The following MTF2 variants were observed in gnomAD, a reference collection of about 807,000 sequenced individuals.
MTF2 encodes the protein metal response element binding transcription factor 2.
MTF2 carries 11 observed loss-of-function variants against 79.5 expected under a neutral mutation model. The observed-to-expected ratio is 0.14, with a 90% CI of 0.09 to 0.23. The LOEUF (loss-of-function observed/expected upper bound fraction) is 0.23. Ranked by LOEUF, MTF2 falls within the 10% of genes least tolerant of loss-of-function variation. MTF2 has a pLI of 1.00. For synonymous variants in MTF2, 208 were observed against 232.8 expected, an observed-to-expected ratio of 0.89 and a Z score of 0.97; for missense variants, 486 against 711.2, an observed-to-expected ratio of 0.68 and a Z score of 3.60.
At chr1:93,097,358 C>T (rs1489863359) in intron 1 of MTF2, among the ~76,000 whole-genome samples, 4 of 152,070 alleles carry the variant, frequency 2.6e-5, no homozygotes, top group African/African-American at 9.7e-5. Context: ...ACCATCTTCC[C>T]AGTTTCCCAA....
rs1046801 is a variant in MTF2, at chr1:93,136,734, C to G, written c.1489C>G (p.Arg497Gly). The change falls in exon 15 of 15, where the codon CGG becomes GGG. Residue 497 changes from arginine to glycine, a missense_variant. Arg to Gly is a moderately radical substitution (Grantham distance 125). Transcript: ENST00000370298. ...TTGGCCTGCTGCAATACCACATTTG[C>G]GGAGAAGAAGAGGTCGTCTTCCAAG... ...RSWPAAIPHL[R>G]RRRGRLPRRA... is the part of the protein sequence containing the mutation. 1 of 1,614,070 alleles carries G rather than the reference C, an allele frequency of 6.2e-7. No individual in the cohort carries two copies. Among genetic ancestry groups the G allele is most frequent in the Non-Finnish European group, 8.5e-7 (1 of 1,179,998 alleles).
chr1:93,133,864 G>A (rs1459475777), intron 12 of MTF2, 56 bp downstream of exon 12: 1 of 1,530,712 alleles, frequency 6.5e-7, no homozygotes, highest in East Asian at 2.3e-5. Flanking sequence ...AAATAACTGA[G>A]AAGCTAGTAT....
chr1:93,113,516 C>A (rs879780509), intron 3 of MTF2, among the ~76,000 whole-genome samples: 1 of 151,920 alleles, frequency 6.6e-6, no homozygotes, highest in African/African-American at 2.4e-5. Flanking sequence ...CCTGTATGTC[C>A]GAGAGTAGAG....
Position 93,088,458 on chromosome 1 carries a change from C to G in MTF2, c.5+8927C>G, listed in dbSNP as rs182469705. Among the ~76,000 whole-genome samples, 30 of 152,162 alleles carry G rather than the reference C, an allele frequency of 2.0e-4. No homozygotes were observed. In the East Asian group the frequency reaches 4.4e-3, roughly 22 times the overall value. On this transcript the variant is annotated intron_variant, in intron 1 of 14. Coordinates refer to ENST00000370298, the MANE Select transcript of MTF2 (RefSeq NM_007358.4). The stretch of plus-strand genomic sequence containing the variant: ...GTGATGTAAAGATTTTACCAGTTGT[C>G]ATATTGGCTTTTAAAAAAATCAGAT...
At chr1:93,134,061 C>T (rs745589756) in intron 13 of MTF2, 30 bp from the exon 14 acceptor site, 26 of 1,559,842 alleles carry the variant, frequency 1.7e-5, no homozygotes, top group East Asian at 2.2e-5. Context: ...ATAATATAGT[C>T]GTTACACAAT....
chr1:93,119,609 A>G, intron 8 of MTF2: 2 of 461,846 alleles, frequency 4.3e-6, no homozygotes, highest in Non-Finnish European at 7.7e-6. Context: ...TCAGTGTTGA[A>G]TGTTATAAAT....
intron 11 of MTF2, among the ~76,000 whole-genome samples, chr1:93,132,090 C>T (rs369945003): frequency 5.9e-5 from 9 of 151,294 alleles, no homozygotes; most frequent in East Asian, 3.9e-4. Context: ...TCCATTTTCT[C>T]GATGAAATAT....
chr1:93,108,820 CTCCCTAT>C (rs1655912874), intron 1 of MTF2, among the ~76,000 whole-genome samples: 1 of 152,172 alleles, frequency 6.6e-6, no homozygotes, highest in Non-Finnish European at 1.5e-5. Flanking sequence ...TAAACACTAA[CTCCCTAT>C]TCCCCATTCT....
At chr1:93,085,233 T>C (rs1274258947) in intron 1 of MTF2, among the ~76,000 whole-genome samples, 1 of 151,550 alleles carries the variant, frequency 6.6e-6, no homozygotes, top group African/African-American at 2.4e-5. Context: ...TGGAGTGCAG[T>C]GGCACCATCT....
intron 1 of MTF2, among the ~76,000 whole-genome samples, chr1:93,093,389 A>G (rs973978310): frequency 6.6e-6 from 1 of 152,106 alleles, no homozygotes; most frequent in African/African-American, 2.4e-5. Flanking sequence ...TCTGTCATCT[A>G]ATTTATCAGT....
At chr1:93,115,145 C>T in intron 5 of MTF2, 57 bp downstream of exon 5, 1 of 1,276,250 alleles carries the variant, frequency 7.8e-7, no homozygotes. Context: ...ACATTATCAA[C>T]ATAATGATTG....
At chr1:93,130,576 CAA>C (rs113108662) in intron 11 of MTF2, among the ~76,000 whole-genome samples, 2 of 141,034 alleles carry the variant, frequency 1.4e-5, no homozygotes, top group African/African-American at 2.6e-5. Context: ...GACTCTGTCT[CAA>C]AAAAAAAAAA....
chr1:93,121,226 T>G, intron 9 of MTF2: 2 of 961,320 alleles, frequency 2.1e-6, no homozygotes, highest in Non-Finnish European at 2.5e-6. Context: ...CCTATGCTGG[T>G]TTACAGTCTT....
intron 1 of MTF2, among the ~76,000 whole-genome samples, chr1:93,098,953 G>A (rs975038069): frequency 2.0e-5 from 3 of 152,102 alleles, no homozygotes; most frequent in Non-Finnish European, 4.4e-5. Flanking sequence ...GCAAGGTGAG[G>A]GATGAGAGGA....
intron 1 of MTF2, among the ~76,000 whole-genome samples, chr1:93,087,082 C>G (rs921741619): frequency 6.6e-6 from 1 of 152,096 alleles, no homozygotes; most frequent in South Asian, 2.1e-4. Context: ...CAACCTGTTA[C>G]GAGGTCAGAT....
At chr1:93,112,674 AAC>A (rs1246180386) in intron 3 of MTF2, among the ~76,000 whole-genome samples, 13 of 152,224 alleles carry the variant, frequency 8.5e-5, no homozygotes, top group Non-Finnish European at 1.5e-4. Context: ...TTATTTTAAC[AAC>A]AACAAAAAAT....
At chr1:93,108,826 A>C (rs1279853471) in intron 1 of MTF2, among the ~76,000 whole-genome samples, 1 of 151,994 alleles carries the variant, frequency 6.6e-6, no homozygotes, top group Non-Finnish European at 1.5e-5. Flanking sequence ...CTAACTCCCT[A>C]TTCCCCATTC....
At chr1:93,089,443 T>G (rs2785604) in intron 1 of MTF2, among the ~76,000 whole-genome samples, 120,428 of 151,770 alleles carry the variant, frequency 0.79, 50,890 homozygotes, top group East Asian at 0.93. Context: ...GTTTTAGAGT[T>G]CCAGTGATGA....
intron 6 of MTF2, among the ~76,000 whole-genome samples, chr1:93,116,119 A>G (rs1656238574): frequency 6.6e-6 from 1 of 152,210 alleles, no homozygotes; most frequent in African/African-American, 2.4e-5. Context: ...GTGCAGTGAC[A>G]TGATCATAGC....
Sources: gnomAD v4.1 joint callset for allele counts (sites outside exome capture counted in the v4.1 genomes callset) on GRCh38, gnomAD v4.1.1 for gene constraint, MANE v1.5 for transcripts, NCBI Gene and HGNC (gene_info 2026-07-23, HGNC 2026-07-21) for gene names.